The following ERICH6B variants were observed in gnomAD, a reference collection of about 807,000 sequenced individuals.
ERICH6B encodes glutamate rich 6B.
A neutral mutation model predicts 80.0 loss-of-function variants in ERICH6B; 69 were observed. The observed-to-expected ratio is 0.86, with a 90% confidence interval of 0.71 to 1.05. The LOEUF (loss-of-function observed/expected upper bound fraction) is 1.05, where lower values mean the gene tolerates loss of function less well. Among genes scored for constraint, ERICH6B ranks in the 50% least tolerant of loss-of-function variants. The pLI, the probability that ERICH6B is intolerant of heterozygous loss-of-function variation, is 0.00. For missense variants in ERICH6B, 754 were observed against 796.1 expected, an observed-to-expected ratio of 0.95 and a Z score of 0.64; for synonymous variants, 283 against 291.9, an observed-to-expected ratio of 0.97 and a Z score of 0.31.
intron 11 of ERICH6B, among the ~76,000 whole-genome samples, chr13:45,560,418 T>C (rs1874622070): frequency 1.3e-5 from 2 of 152,196 alleles, no homozygotes. Flanking sequence ...CCCCCCCACC[T>C]GAGAGTGGTA....
chr13:45,610,857 G>GTA (rs1555306981), intron 1 of ERICH6B, among the ~76,000 whole-genome samples: 238 of 147,006 alleles, frequency 1.6e-3, no homozygotes, highest in Middle Eastern at 7.1e-3. Flanking sequence ...GTGTGTGTGT[G>GTA]TATATATATA....
intron 9 of ERICH6B, 116 bp downstream of exon 9, chr13:45,568,199 C>A (rs1409122111): frequency 7.7e-6 from 9 of 1,173,166 alleles, no homozygotes; most frequent in Non-Finnish European, 5.7e-6. Flanking sequence ...ACTCAGGGAA[C>A]CTGTCTGGTC....
intron 12 of ERICH6B, 35 bp downstream of exon 12, chr13:45,550,196 T>C (rs927155516): frequency 1.8e-4 from 280 of 1,544,046 alleles, no homozygotes; most frequent in Middle Eastern, 3.3e-4. Context: ...TGCCAATATA[T>C]GTCAATACGA....
At chr13:45,561,778 C>T (rs1409038) in intron 10 of ERICH6B, among the ~76,000 whole-genome samples, 1,767 of 152,228 alleles carry the variant, frequency 0.012, 35 homozygotes, top group African/African-American at 0.041. Flanking sequence ...GTGCCTAGTG[C>T]GTGTCAGCCC....
intron 10 of ERICH6B, among the ~76,000 whole-genome samples, chr13:45,561,727 A>G (rs1874690858): frequency 6.6e-6 from 1 of 152,014 alleles, no homozygotes; most frequent in Non-Finnish European, 1.5e-5. Context: ...ATTCCAGCTC[A>G]CTCTGTTTGG....
chr13:45,588,064 A>G (rs1039344447), intron 4 of ERICH6B, among the ~76,000 whole-genome samples: 1 of 152,304 alleles, frequency 6.6e-6, no homozygotes, highest in African/African-American at 2.4e-5. Flanking sequence ...GGGGTAAGTT[A>G]CTTGTTTGCT....
chr13:45,614,265 C>A (rs952957227), intron 1 of ERICH6B, among the ~76,000 whole-genome samples: 5 of 152,202 alleles, frequency 3.3e-5, no homozygotes, highest in African/African-American at 1.2e-4. Flanking sequence ...CCCAAAGTCA[C>A]CTCGTCTGGG....
At chr13:45,594,408 C>T (rs186462138) in intron 3 of ERICH6B, among the ~76,000 whole-genome samples, 6 of 152,264 alleles carry the variant, frequency 3.9e-5, no homozygotes, top group African/African-American at 1.4e-4. Flanking sequence ...TTTCAAAGAT[C>T]CAGCACATAG....
At chr13:45,589,608 G>T (rs1204339123) in intron 4 of ERICH6B, among the ~76,000 whole-genome samples, 1 of 152,180 alleles carries the variant, frequency 6.6e-6, no homozygotes, top group Non-Finnish European at 1.5e-5. Flanking sequence ...TTAAGTGGCT[G>T]CCCTGTAGCA....
chr13:45,585,657 T>C lies in ERICH6B; in HGVS notation c.856+1406A>G, dbSNP rs536969940. Among the ~76,000 whole-genome samples the C allele has an allele frequency of 1.7e-4, 26 of 152,354 alleles. No individual in the cohort carries two copies. The South Asian group carries it at 5.4e-3, about 32-fold the overall frequency. On this transcript the variant is annotated intron_variant, in intron 5 of 14. Transcript: ENST00000298738. Reference sequence around the variant, plus strand: ...CCATATCTTTGACTCAAGCCACCAATGTCACAATATTTGATCAGTGGACAT... The same window carrying C: ...CCATATCTTTGACTCAAGCCACCAACGTCACAATATTTGATCAGTGGACAT...
At chr13:45,561,297 G>A (rs1194876600) in intron 11 of ERICH6B, 72 bp downstream of exon 11, 2 of 1,436,656 alleles carry the variant, frequency 1.4e-6, no homozygotes, top group Non-Finnish European at 9.4e-7. Context: ...CTCTGGTGGT[G>A]TATGCACACC....
At chr13:45,555,052 G>A (rs939119566) in intron 11 of ERICH6B, among the ~76,000 whole-genome samples, 5 of 152,116 alleles carry the variant, frequency 3.3e-5, no homozygotes, top group Admixed American at 3.3e-4. Context: ...CCTCTTGGCT[G>A]CAGGGAGGAC....
At chr13:45,569,201 C>A (rs2137986110) in intron 8 of ERICH6B, among the ~76,000 whole-genome samples, 1 of 152,266 alleles carries the variant, frequency 6.6e-6, no homozygotes, top group Non-Finnish European at 1.5e-5. Context: ...TCAGGGCTCA[C>A]TGCAACCTCC....
At chr13:45,583,807 C>T (rs567401686) in intron 5 of ERICH6B, among the ~76,000 whole-genome samples, 1 of 152,306 alleles carries the variant, frequency 6.6e-6, no homozygotes, top group South Asian at 2.1e-4. Flanking sequence ...GATTGTGAGG[C>T]CTCCCCAGCC....
chr13:45,603,931 G>A lies in ERICH6B; in HGVS notation c.-59+3633C>T, dbSNP rs183294783. On this transcript the variant is annotated intron_variant, in intron 2 of 14. Coordinates refer to ENST00000298738, the MANE Select transcript of ERICH6B (RefSeq NM_182542.3). Reference sequence around the variant, plus strand: ...CCTAGGGCCCTGGCCAGCACACAGCGGGTACGATGTGTGTTGAGTGAATGT... The same window carrying A: ...CCTAGGGCCCTGGCCAGCACACAGCAGGTACGATGTGTGTTGAGTGAATGT... Among the ~76,000 whole-genome samples, 30 of 152,318 alleles carry A rather than the reference G, an allele frequency of 2.0e-4. No individual in the cohort carries two copies. The East Asian group carries it at 3.9e-3, about 20-fold the overall frequency.
chr13:45,548,854 A>G (rs1464900185), intron 13 of ERICH6B, among the ~76,000 whole-genome samples: 1 of 152,264 alleles, frequency 6.6e-6, no homozygotes, highest in Non-Finnish European at 1.5e-5. Flanking sequence ...GAAGACAATC[A>G]GGAAATGGTG....
chr13:45,574,515 C>T (rs1037622590), intron 8 of ERICH6B, among the ~76,000 whole-genome samples: 1 of 152,128 alleles, frequency 6.6e-6, no homozygotes, highest in African/African-American at 2.4e-5. Context: ...GTGGTGGTCA[C>T]AGGCCTGCAG....
chr13:45,545,154 C>A (rs1478537912), intron 13 of ERICH6B, among the ~76,000 whole-genome samples, 169 bp from the exon 14 acceptor site: 1 of 152,206 alleles, frequency 6.6e-6, no homozygotes, highest in South Asian at 2.1e-4. Flanking sequence ...CAGGCACTGT[C>A]CCCTGCGCTG....
chr13:45,600,722 A>G (rs979326272), intron 2 of ERICH6B, among the ~76,000 whole-genome samples: 2 of 152,188 alleles, frequency 1.3e-5, no homozygotes, highest in Admixed American at 6.5e-5. Context: ...TTTTGTATAT[A>G]TGCCACATTT....
Sources: allele counts gnomAD v4.1 joint callset (sites outside exome capture counted in the v4.1 genomes callset), GRCh38; gene constraint gnomAD v4.1.1; transcripts MANE v1.5; gene names NCBI Gene and HGNC (gene_info 2026-07-23, HGNC 2026-07-21).